The following CASS4 variants were observed in gnomAD, a reference collection of about 807,000 sequenced individuals.
The protein encoded by CASS4 is cas scaffolding protein family member 4.
In CASS4, 22 loss-of-function variants were observed where a neutral mutation model predicts 54.2. The observed-to-expected ratio is 0.41, with a 90% CI of 0.29 to 0.58. CASS4 has a LOEUF of 0.58. Among genes scored for constraint, CASS4 ranks in the 20% least tolerant of loss-of-function variants. CASS4 has a pLI of 0.36. For synonymous variants in CASS4, 409 were observed against 391.5 expected (o/e 1.04, Z -0.53); for missense variants, 854 against 986.7 (o/e 0.87, Z 1.80).
chr20:56,458,637 A>C lies in CASS4; in HGVS notation c.2251A>C (p.Thr751Pro). The C allele has an allele frequency of 6.2e-7, 1 of 1,613,742 alleles. No individual in the cohort carries two copies. The highest frequency in any genetic ancestry group is 8.5e-7 in the Non-Finnish European group (1 of 1,179,952). ...CCTGCTCAAGGACGTAGCGCTGGCC[A>C]CTAAGAATGCCGTGCTCACGTACCC... ...CSLLKDVALA[T>P]KNAVLTYPSP... Residue 751 changes from threonine (T) to proline (P), a missense_variant, in exon 6 of 6, where the codon ACT (threonine) becomes CCT (proline). Physicochemically the swap from Thr to Pro is conservative, Grantham distance 38. Coordinates refer to ENST00000679887, the MANE Select transcript of CASS4 (RefSeq NM_020356.4).
intron 1 of CASS4, among the ~76,000 whole-genome samples, chr20:56,420,978 A>G (rs1361480694): frequency 6.6e-6 from 1 of 152,228 alleles, no homozygotes; most frequent in East Asian, 1.9e-4. Flanking sequence ...CAACAGAACA[A>G]AAGAAGAAAA....
At chr20:56,419,816 G>C (rs207477658) in intron 1 of CASS4, among the ~76,000 whole-genome samples, 1 of 152,134 alleles carries the variant, frequency 6.6e-6, no homozygotes, top group East Asian at 1.9e-4. Flanking sequence ...GCCAAGGCAG[G>C]TGGATCATCT....
intron 1 of CASS4, among the ~76,000 whole-genome samples, chr20:56,425,921 A>G (rs1979617291): frequency 6.6e-6 from 1 of 152,234 alleles, no homozygotes; most frequent in Non-Finnish European, 1.5e-5. Context: ...ACCTATGCTC[A>G]TCTTGCTCTT....
In CASS4 at chr20:56,451,020, TAAA is replaced by T. The variant is rs113539482; in HGVS notation, c.642+354_642+356del. Among the ~76,000 whole-genome samples the T allele has an allele frequency of 1.4e-3, 192 of 140,526 alleles. 1 individual carries two copies. The highest frequency in any genetic ancestry group is 3.9e-3 in the African/African-American group (153 of 39,546). The allele number at this position is 140,526 out of a possible 152,430, so 92.2% of individuals were successfully genotyped here. A position where few individuals can be genotyped will look rare whatever the true frequency, so the allele number is the denominator to read the frequency against. The stretch of plus-strand genomic sequence containing the variant: ...CCTGTCTCTAATAAAATACAAAAAT[TAAA>T]AAAAAAAAAAAAGAAAGAAAGAAAT... On this transcript the variant is annotated intron_variant, in intron 4 of 5. Transcript: ENST00000679887.
intron 1 of CASS4, among the ~76,000 whole-genome samples, chr20:56,419,261 A>G (rs1440407151): frequency 6.6e-6 from 1 of 152,218 alleles, no homozygotes; most frequent in African/African-American, 2.4e-5. Flanking sequence ...GAGTTGCAAA[A>G]AAAGGAAATA....
chr20:56,433,739 C>G (rs2146277514), intron 1 of CASS4, among the ~76,000 whole-genome samples: 1 of 152,282 alleles, frequency 6.6e-6, no homozygotes, highest in South Asian at 2.1e-4. Flanking sequence ...ACTCACTGGG[C>G]TCAGACAAGT....
At chr20:56,427,173 T>TA (rs78321980) in intron 1 of CASS4, among the ~76,000 whole-genome samples, 24,263 of 127,844 alleles carry the variant, frequency 0.19, 2,271 homozygotes, top group Admixed American at 0.25. Flanking sequence ...CCCTGTCTCT[T>TA]AAAAAAAAAA....
At chr20:56,438,177 C>G (rs1009343673) in intron 2 of CASS4, among the ~76,000 whole-genome samples, 4 of 151,840 alleles carry the variant, frequency 2.6e-5, no homozygotes, top group Admixed American at 6.6e-5. Context: ...GTCCCAACTA[C>G]TTAGTGGGAG....
rs1217090391 is a variant in CASS4 at position 56,430,468 on chromosome 20, C to T, written c.37-6696C>T. ...AATGTGAACATACATCCTCCTTCACCTCTGAAATTTCTACACAAATATTTC... is the reference window on the plus strand; with the variant it reads ...AATGTGAACATACATCCTCCTTCACTTCTGAAATTTCTACACAAATATTTC... On this transcript the variant is annotated intron_variant, in intron 1 of 5. Transcript: ENST00000679887. This position sits in a 1 kb window ranked among gnomAD's most constrained non-coding sequence, Gnocchi z 4.2. Among the ~76,000 whole-genome samples, 2 of 152,206 alleles carry T rather than the reference C, an allele frequency of 1.3e-5. No individual in the cohort carries two copies. Among genetic ancestry groups the T allele is most frequent in the Non-Finnish European group, 1.5e-5 (1 of 68,036 alleles).
intron 1 of CASS4, among the ~76,000 whole-genome samples, chr20:56,429,755 G>C (rs1226372632): frequency 2.6e-5 from 4 of 152,070 alleles, no homozygotes; most frequent in South Asian, 2.1e-4. Flanking sequence ...CTTACCCCCA[G>C]ATGGAAGCTT....
At position 56,414,334 on chromosome 20, in the gene CASS4, C is replaced by CT. The variant is rs1330595977; in HGVS notation, c.36+1846dup. Reference sequence around the variant, plus strand: ...CCTTTTTCTCTTTCATAACATTGACCTTTTTTCTAAACAGCCTAGATTTTT... The same window carrying CT: ...CCTTTTTCTCTTTCATAACATTGACCTTTTTTTCTAAACAGCCTAGATTTTT... On this transcript the variant is annotated intron_variant, in intron 1 of 5. Transcript: ENST00000679887. The surrounding 1 kb of genome is among the most constrained non-coding windows in gnomAD (Gnocchi z 4.1). 1.3e-5 allele frequency among the ~76,000 whole-genome samples: 2 copies of CT among 151,888 alleles called. No individual in the cohort carries two copies. Among genetic ancestry groups the CT allele is most frequent in the Non-Finnish European group, 2.9e-5 (2 of 67,994 alleles).
At chr20:56,450,114 C>T (rs1035099568) in intron 3 of CASS4, among the ~76,000 whole-genome samples, 2 of 152,144 alleles carry the variant, frequency 1.3e-5, no homozygotes, top group Non-Finnish European at 2.9e-5. Context: ...TTACCGCAAC[C>T]TCCACCTCCC....
intron 2 of CASS4, among the ~76,000 whole-genome samples, chr20:56,444,524 C>G (rs562547046): frequency 6.6e-6 from 1 of 152,258 alleles, no homozygotes; most frequent in Admixed American, 6.5e-5. Flanking sequence ...ATCTTCTACT[C>G]TAGAAAAATG....
intron 1 of CASS4, among the ~76,000 whole-genome samples, chr20:56,428,608 T>C (rs1979752340): frequency 6.6e-6 from 1 of 152,230 alleles, no homozygotes; most frequent in African/African-American, 2.4e-5. Context: ...GTCTCACTCA[T>C]GTATATTTCT....
chr20:56,451,360 A>C (rs1391385678), intron 4 of CASS4, among the ~76,000 whole-genome samples: 2 of 152,204 alleles, frequency 1.3e-5, no homozygotes, highest in African/African-American at 4.8e-5. Context: ...AAATCTGTGT[A>C]ATCTATGTTT....
intron 1 of CASS4, among the ~76,000 whole-genome samples, chr20:56,436,886 C>T (rs1282157507): frequency 6.6e-6 from 1 of 151,912 alleles, no homozygotes; most frequent in Admixed American, 6.6e-5. Flanking sequence ...GACCCTGTCT[C>T]AAAACCAAAA....
intron 1 of CASS4, among the ~76,000 whole-genome samples, chr20:56,419,452 C>T (rs1384243988): frequency 3.3e-5 from 5 of 151,968 alleles, no homozygotes; most frequent in African/African-American, 1.2e-4. Flanking sequence ...CCTGCACTTC[C>T]CCCACACCAC....
At chr20:56,418,961 C>T (rs1260759496) in intron 1 of CASS4, among the ~76,000 whole-genome samples, 1 of 152,132 alleles carries the variant, frequency 6.6e-6, no homozygotes, top group African/African-American at 2.4e-5. Flanking sequence ...TGTTTAATCA[C>T]CTGTAGTCTT....
intron 1 of CASS4, among the ~76,000 whole-genome samples, chr20:56,420,296 C>A (rs1979350968): frequency 6.6e-6 from 1 of 152,106 alleles, no homozygotes; most frequent in South Asian, 2.1e-4. Flanking sequence ...GGACAGGGGG[C>A]AAAAGAGCAG....
Sources: gnomAD v4.1 joint callset for allele counts (sites outside exome capture counted in the v4.1 genomes callset) on GRCh38, gnomAD v4.1.1 for gene constraint, Gnocchi (gnomAD v3.1) non-coding constraint, MANE v1.5 for transcripts, NCBI Gene and HGNC (gene_info 2026-07-23, HGNC 2026-07-21) for gene names.